Variants in BRWD1 observed in about 807,000 individuals in gnomAD.
BRWD1 encodes bromodomain and WD repeat domain containing 1.
A neutral mutation model predicts 251.2 loss-of-function variants in BRWD1; 82 were observed. The ratio of observed to expected loss-of-function variants is 0.33; its 90% CI spans 0.27 to 0.39. The LOEUF is 0.39. Ranked by LOEUF, BRWD1 falls within the 10% of genes least tolerant of loss-of-function variation. The pLI, the probability that BRWD1 is intolerant of heterozygous loss-of-function variation, is 1.00. For synonymous variants in BRWD1, 918 were observed against 902.8 expected (o/e 1.02, Z -0.30); for missense variants, 2,233 against 2,711.6 (o/e 0.82, Z 3.92).
Position 39,210,820 on chromosome 21 carries a change from G to A in BRWD1, c.4010C>T (p.Pro1337Leu). Reference sequence around the variant, plus strand: ...AACCAAATCAACAGGTTGTCTAAATGGTTCAGAATCTTCACACTGAAAAAT... The same window carrying A: ...AACCAAATCAACAGGTTGTCTAAATAGTTCAGAATCTTCACACTGAAAAAT... Reference protein sequence around the residue: ...NLIFQCEDSEPFRQPVDLVEY... With the variant: ...NLIFQCEDSELFRQPVDLVEY... Residue 1337 changes from proline (P) to leucine (L), a missense_variant, in exon 35 of 41, where the codon CCA becomes CTA. Coordinates refer to ENST00000342449, the MANE Select transcript of BRWD1 (RefSeq NM_033656.4). 1 of 1,610,178 alleles carries A rather than the reference G, an allele frequency of 6.2e-7. No individual in the cohort carries two copies. Among genetic ancestry groups the A allele is most frequent in the Non-Finnish European group, 8.5e-7 (1 of 1,178,690 alleles).
At chr21:39,205,524 C>T (rs568125739) in intron 37 of BRWD1, among the ~76,000 whole-genome samples, 13 of 152,116 alleles carry the variant, frequency 8.5e-5, no homozygotes, top group African/African-American at 3.1e-4. Context: ...GCAATCCTAG[C>T]ACTTTAGGAG....
chr21:39,309,855 G>A (rs1452246427), intron 4 of BRWD1, among the ~76,000 whole-genome samples: 2 of 151,136 alleles, frequency 1.3e-5, no homozygotes, highest in Non-Finnish European at 2.9e-5. Context: ...GACACCCAGG[G>A]AACAAAAAGA....
chr21:39,296,255 CCTTA>C lies in BRWD1; in HGVS notation c.448+6_448+9del, dbSNP rs775463189. The C allele has an allele frequency of 5.7e-6, 9 of 1,581,626 alleles. No individual in the cohort carries two copies. The highest frequency in any genetic ancestry group is 1.4e-5 in the African/African-American group (1 of 73,560). ...TTATTTCAGGCATCTCAAAGGCCAA[CCTTA>C]CTTACCAAGATTTGGTGGGGAACCA... On this transcript the variant is annotated splice_donor_region_variant and intron_variant, in intron 6 of 40. Coordinates refer to ENST00000342449, the MANE Select transcript of BRWD1 (RefSeq NM_033656.4).
intron 4 of BRWD1, among the ~76,000 whole-genome samples, chr21:39,311,103 T>C (rs939893466): frequency 6.6e-6 from 1 of 151,958 alleles, no homozygotes; most frequent in Non-Finnish European, 1.5e-5. Flanking sequence ...ATTTAAGTGA[T>C]TTTAAACAAT....
chr21:39,269,918 A>C lies in BRWD1; in HGVS notation c.1511T>G (p.Met504Arg). 6.5e-7 allele frequency: 1 copy of C among 1,536,860 alleles called. No homozygotes were observed. The highest frequency in any genetic ancestry group is 8.8e-7 in the Non-Finnish European group (1 of 1,140,358). The change falls in exon 15 of 41, where the codon ATG becomes AGG. Residue 504 changes from methionine to arginine, a missense_variant. Around this residue, in one of 12 missense-constraint regions of BRWD1, gnomAD observed 315 missense variants for 421.8 expected, o/e 0.75. Coordinates refer to ENST00000342449, the MANE Select transcript of BRWD1 (RefSeq NM_033656.4). ...ACTTACCATATTAAAATAATGTTTC[A>C]TCTTGGTACCTTTTGTAATATCCCA... ...FIWDITKGTK[M>R]KHYFNMIEGQ... is the part of the protein sequence containing the mutation.
rs2146428546 is a variant in BRWD1 at position 39,186,784 on chromosome 21, C to T, written c.*9475G>A. The T allele has an allele frequency of 2.4e-6, 1 of 423,284 alleles. No individual in the cohort carries two copies. Among genetic ancestry groups the T allele is most frequent in the Non-Finnish European group, 3.9e-6 (1 of 256,062 alleles). The allele number at this position is 423,284 out of a possible 1,614,324, so 26.2% of individuals were successfully genotyped here. On this transcript the variant is annotated 3_prime_UTR_variant, in exon 41 of 41. Coordinates refer to ENST00000342449, the MANE Select transcript of BRWD1 (RefSeq NM_033656.4). ...AAGGAATAGTAGTCTTATAGCAGGCCATTTGTCTTTTCTTTCCACCTCTCC... is the reference window on the plus strand; with the variant it reads ...AAGGAATAGTAGTCTTATAGCAGGCTATTTGTCTTTTCTTTCCACCTCTCC...
intron 8 of BRWD1, among the ~76,000 whole-genome samples, chr21:39,281,556 G>A (rs901422352): frequency 1.3e-5 from 2 of 152,290 alleles, no homozygotes; most frequent in Admixed American, 6.5e-5. Flanking sequence ...TTGTCCAGGC[G>A]TGATGACACA....
intron 29 of BRWD1, among the ~76,000 whole-genome samples, chr21:39,223,643 G>T (rs1423793466): frequency 2.0e-5 from 3 of 152,170 alleles, no homozygotes; most frequent in African/African-American, 7.2e-5. Context: ...CAGGCCCTTG[G>T]AAGGCCAACA....
chr21:39,284,661 A>G (rs1026601910), intron 8 of BRWD1, among the ~76,000 whole-genome samples: 2 of 152,020 alleles, frequency 1.3e-5, no homozygotes, highest in African/African-American at 4.8e-5. Context: ...TTTGATTTGC[A>G]TTTTCCTGAT....
rs2035962643 is a variant in BRWD1, at chr21:39,296,377, T to G, written c.350-14A>C. 6.4e-7 allele frequency: 1 copy of G among 1,550,936 alleles called. No individual in the cohort carries two copies. The highest frequency in any genetic ancestry group is 8.7e-7 in the Non-Finnish European group (1 of 1,154,266). Reference sequence around the variant, plus strand: ...TGTGCCTGCAGTCTTTAAAATGAATTTTAGATACACATAAAATCTTGAAAG... The same window carrying G: ...TGTGCCTGCAGTCTTTAAAATGAATGTTAGATACACATAAAATCTTGAAAG... On this transcript the variant is annotated splice_polypyrimidine_tract_variant and intron_variant, in intron 5 of 40. Transcript: ENST00000342449.
At chr21:39,318,215 A>C (rs1164617389), upstream of BRWD1, among the ~76,000 whole-genome samples, 1 of 152,208 alleles carries the variant, frequency 6.6e-6, no homozygotes, top group Admixed American at 6.5e-5. Flanking sequence ...GCATATCTAG[A>C]AAATGGTGAC....
chr21:39,257,854 A>C (rs2034610775), intron 18 of BRWD1, among the ~76,000 whole-genome samples: 1 of 152,178 alleles, frequency 6.6e-6, no homozygotes, highest in Non-Finnish European at 1.5e-5. Context: ...TAATATAAGG[A>C]ATCTAGGTAA....
At chr21:39,305,337 T>C (rs78639412) in intron 4 of BRWD1, among the ~76,000 whole-genome samples, 188 of 152,294 alleles carry the variant, frequency 1.2e-3, no homozygotes, top group African/African-American at 4.2e-3. Flanking sequence ...ACATATGATC[T>C]GAAAATAAAC....
In BRWD1 at chr21:39,200,378, C is replaced by T. The variant is rs78655344; in HGVS notation, c.4594G>A (p.Val1532Met). The T allele has an allele frequency of 2.9e-3, 4,744 of 1,611,102 alleles. 112 individuals are homozygous for T. In the African/African-American group the frequency reaches 0.053, roughly 18 times the overall value. The change falls in exon 39 of 41, where the codon GTG becomes ATG. Residue 1532 changes from valine (V) to methionine (M), a missense_variant. This residue lies in a region of BRWD1 where 928 missense variants were observed against 970.0 expected (regional missense o/e 0.96). Coordinates refer to ENST00000342449, the MANE Select transcript of BRWD1 (RefSeq NM_033656.4). ...AAAGAGGTAGCTAAAGAATCTTCCA[C>T]TTCACTTTCTAGGAAAAATAAAGTG... Reference protein sequence around the residue: ...TNGSTLSESEVEDSLATSLSS... With the variant: ...TNGSTLSESEMEDSLATSLSS...
At position 39,195,477 on chromosome 21, in the gene BRWD1, A is replaced by T; in HGVS notation, c.*782T>A. Reference sequence around the variant, plus strand: ...ATGGAAACCAGGAGATCTTGGACAGAAGACAGATTATATAGCATTTTGTTA... The same window carrying T: ...ATGGAAACCAGGAGATCTTGGACAGTAGACAGATTATATAGCATTTTGTTA... On this transcript the variant is annotated 3_prime_UTR_variant, in exon 41 of 41. Transcript: ENST00000342449. 1 of 985,628 alleles carries T rather than the reference A, an allele frequency of 1.0e-6. No homozygotes were observed. Among genetic ancestry groups the T allele is most frequent in the Non-Finnish European group, 1.2e-6 (1 of 829,728 alleles). The allele number at this position is 985,628 out of a possible 1,614,324, so 61.1% of individuals were successfully genotyped here.
At chr21:39,242,350 G>A (rs529342186) in intron 21 of BRWD1, among the ~76,000 whole-genome samples, 1 of 152,300 alleles carries the variant, frequency 6.6e-6, no homozygotes, top group East Asian at 1.9e-4. Context: ...TTAACCCAGA[G>A]CAAGGCCCTA....
chr21:39,233,818 G>A (rs2033712205), intron 23 of BRWD1, among the ~76,000 whole-genome samples: 1 of 152,128 alleles, frequency 6.6e-6, no homozygotes, highest in Non-Finnish European at 1.5e-5. Flanking sequence ...TCAGAAGTTC[G>A]AGACCACCCT....
intron 21 of BRWD1, among the ~76,000 whole-genome samples, chr21:39,240,900 C>CT (rs71184666): frequency 0.32 from 46,865 of 147,974 alleles, 7,705 homozygotes; most frequent in Middle Eastern, 0.37. Context: ...GTAAGTAAAT[C>CT]TTTTTTTTTT....
intron 4 of BRWD1, among the ~76,000 whole-genome samples, chr21:39,309,608 A>C (rs1301077891): frequency 6.6e-6 from 1 of 151,690 alleles, no homozygotes; most frequent in Non-Finnish European, 1.5e-5. Flanking sequence ...GCGGATCATG[A>C]GGTCAGGAGA....
Sources: allele counts gnomAD v4.1 joint callset (sites outside exome capture counted in the v4.1 genomes callset), GRCh38; gene constraint gnomAD v4.1.1; regional missense constraint gnomAD v4.1.1; transcripts MANE v1.5; gene names NCBI Gene and HGNC (gene_info 2026-07-23, HGNC 2026-07-21).